GAS2: variants seen among roughly 807,000 people sequenced by gnomAD.
GAS2 encodes the protein growth arrest specific 2, also known as growth arrest-specific protein 2.
In GAS2, 20 loss-of-function variants were observed where a neutral mutation model predicts 37.5. The observed-to-expected ratio is 0.53, with a 90% CI of 0.37 to 0.77. The LOEUF (loss-of-function observed/expected upper bound fraction) is 0.77, where lower values mean the gene tolerates loss of function less well. GAS2 is among the 30% of genes least tolerant of loss of function. The pLI is 0.00. For synonymous variants in GAS2, 144 were observed against 132.2 expected (o/e 1.09, Z -0.61); for missense variants, 336 against 373.4 (o/e 0.90, Z 0.82).
At chr11:22,652,619 C>T (rs1396027570) in intron 1 of GAS2, among the ~76,000 whole-genome samples, 1 of 152,242 alleles carries the variant, frequency 6.6e-6, no homozygotes, top group African/African-American at 2.4e-5. Flanking sequence ...GATATAATCT[C>T]CCGGTGTGCT....
intron 7 of GAS2, among the ~76,000 whole-genome samples, chr11:22,778,527 A>C (rs1235749678): frequency 1.3e-5 from 2 of 152,252 alleles, no homozygotes; most frequent in Non-Finnish European, 2.9e-5. Context: ...AGGAAGTGAT[A>C]TTTGAAGTGA....
chr11:22,646,203 C>T (rs1848688779), intron 1 of GAS2, among the ~76,000 whole-genome samples: 1 of 151,962 alleles, frequency 6.6e-6, no homozygotes, highest in Non-Finnish European at 1.5e-5. Context: ...ATCTGTAATT[C>T]TGTATAATGA....
chr11:22,640,880 G>T (rs180831624), intron 1 of GAS2, among the ~76,000 whole-genome samples: 1 of 152,150 alleles, frequency 6.6e-6, no homozygotes, highest in African/African-American at 2.4e-5. Context: ...CTAAGAAAAG[G>T]GGGCAAAAGA....
At chr11:22,679,575 A>G (rs977940615) in intron 2 of GAS2, among the ~76,000 whole-genome samples, 5 of 152,088 alleles carry the variant, frequency 3.3e-5, no homozygotes, top group Admixed American at 6.6e-5. Context: ...TTTTAAGAAT[A>G]TTATTGGCTT....
intron 3 of GAS2, among the ~76,000 whole-genome samples, chr11:22,687,087 G>T (rs1367610719): frequency 6.6e-6 from 1 of 152,042 alleles, no homozygotes. Context: ...CACTTTGCGG[G>T]GGTCAAGGCA....
At chr11:22,632,135 G>C (rs899219526) in intron 1 of GAS2, among the ~76,000 whole-genome samples, 1 of 151,786 alleles carries the variant, frequency 6.6e-6, no homozygotes, top group Admixed American at 6.6e-5. Flanking sequence ...AGTCTTGAAG[G>C]ATATTTTTTA....
At chr11:22,707,699 A>G (rs886416977) in intron 3 of GAS2, among the ~76,000 whole-genome samples, 1 of 152,204 alleles carries the variant, frequency 6.6e-6, no homozygotes, top group Non-Finnish European at 1.5e-5. Flanking sequence ...CCAAATATTA[A>G]TGCTGGAAAA....
At chr11:22,686,539 A>T (rs1849961243) in intron 3 of GAS2, among the ~76,000 whole-genome samples, 1 of 127,604 alleles carries the variant, frequency 7.8e-6, no homozygotes, top group Non-Finnish European at 1.6e-5. Context: ...AACATGGCCA[A>T]AACCCGTCTC....
At chr11:22,643,537 A>G (rs556751963) in intron 1 of GAS2, among the ~76,000 whole-genome samples, 1 of 152,098 alleles carries the variant, frequency 6.6e-6, no homozygotes, top group Non-Finnish European at 1.5e-5. Flanking sequence ...CTACCTATTA[A>G]TACACAGATC....
intron 3 of GAS2, among the ~76,000 whole-genome samples, chr11:22,695,391 T>C (rs1254373381): frequency 6.6e-6 from 1 of 152,166 alleles, no homozygotes; most frequent in Non-Finnish European, 1.5e-5. Flanking sequence ...GTTTCAGAAC[T>C]GTCCAAATTA....
chr11:22,662,471 A>G (rs1461627448), upstream of GAS2, among the ~76,000 whole-genome samples: 1 of 152,232 alleles, frequency 6.6e-6, no homozygotes, highest in East Asian at 1.9e-4. Context: ...TTGAGTGTCT[A>G]CTATATGTCT....
chr11:22,714,734 A>G (rs1279368449), intron 3 of GAS2, among the ~76,000 whole-genome samples: 1 of 152,202 alleles, frequency 6.6e-6, no homozygotes, highest in Non-Finnish European at 1.5e-5. Flanking sequence ...ATACAAATAC[A>G]TGGAAATTAA....
At position 22,753,703 on chromosome 11, in the gene GAS2, T is replaced by C. The variant is rs568878562; in HGVS notation, c.616-2143T>C. Among the ~76,000 whole-genome samples, 3 of 152,272 alleles carry C rather than the reference T, an allele frequency of 2.0e-5. No individual in the cohort carries two copies. The East Asian group carries it at 5.8e-4, about 29-fold the overall frequency. ...GCCCCTCCCTTTCTTCATCCTTGCTTTCCTCATGGAAGCCCTTATTTGTGG... is the reference window on the plus strand; with the variant it reads ...GCCCCTCCCTTTCTTCATCCTTGCTCTCCTCATGGAAGCCCTTATTTGTGG... On this transcript the variant is annotated intron_variant, in intron 6 of 7. Coordinates refer to ENST00000454584, the MANE Select transcript of GAS2 (RefSeq NM_001143830.3).
intron 1 of GAS2, among the ~76,000 whole-genome samples, chr11:22,671,131 T>C (rs1044969939): frequency 3.9e-5 from 6 of 152,066 alleles, no homozygotes; most frequent in Non-Finnish European, 5.9e-5. Flanking sequence ...AAAGTCATTA[T>C]TTTTTTCTTT....
chr11:22,670,921 T>C (rs1166985849), intron 1 of GAS2, among the ~76,000 whole-genome samples: 4 of 152,096 alleles, frequency 2.6e-5, no homozygotes, highest in Non-Finnish European at 5.9e-5. Flanking sequence ...TGCTTTTCTA[T>C]GTAATGTTGC....
intron 1 of GAS2, among the ~76,000 whole-genome samples, chr11:22,634,519 A>G (rs1368955498): frequency 6.6e-6 from 1 of 152,066 alleles, no homozygotes; most frequent in Non-Finnish European, 1.5e-5. Flanking sequence ...CCACAAATAG[A>G]CAGTTTTGGG....
At chr11:22,752,881 C>T (rs929695954) in intron 6 of GAS2, among the ~76,000 whole-genome samples, 32 of 151,978 alleles carry the variant, frequency 2.1e-4, no homozygotes, top group African/African-American at 7.5e-4. Flanking sequence ...GAAAATACAT[C>T]ACCTTCTTTA....
At chr11:22,792,019 T>C (rs7926948) in intron 7 of GAS2, among the ~76,000 whole-genome samples, 3,177 of 152,322 alleles carry the variant, frequency 0.021, 106 homozygotes, top group African/African-American at 0.073. Flanking sequence ...TGAAGTGATA[T>C]GGATATGCAG....
intron 4 of GAS2, among the ~76,000 whole-genome samples, chr11:22,730,469 G>A (rs1852418001): frequency 6.6e-6 from 1 of 151,684 alleles, no homozygotes; most frequent in African/African-American, 2.4e-5. Context: ...TTTTTGTGTG[G>A]TCTGCAGAGC....
Sources: gnomAD v4.1 joint callset for allele counts (sites outside exome capture counted in the v4.1 genomes callset) on GRCh38, gnomAD v4.1.1 for gene constraint, MANE v1.5 for transcripts, NCBI Gene and HGNC (gene_info 2026-07-23, HGNC 2026-07-21) for gene names.